The following IARS1 variants were observed in gnomAD, a reference collection of about 807,000 sequenced individuals.
IARS1 encodes the protein isoleucine--tRNA ligase, cytoplasmic.
A neutral mutation model predicts 168.2 loss-of-function variants in IARS1; 124 were observed. That is an observed-to-expected ratio of 0.74 (90% confidence interval 0.64 to 0.86). The LOEUF is 0.86. Ranked by LOEUF, IARS1 falls within the 40% of genes least tolerant of loss-of-function variation. The probability of loss-of-function intolerance (pLI) is 0.00; values close to 1 mark genes in which losing one functional copy is unlikely to be tolerated. For synonymous variants in IARS1, 532 were observed against 529.4 expected, an observed-to-expected ratio of 1.00 and a Z score of -0.07; for missense variants, 1,452 against 1,515.8, an observed-to-expected ratio of 0.96 and a Z score of 0.70.
chr9:92,212,477 A>C (rs957995323), intron 33 of IARS1, among the ~76,000 whole-genome samples: 1 of 152,220 alleles, frequency 6.6e-6, no homozygotes, highest in Non-Finnish European at 1.5e-5. Flanking sequence ...GGTTCTGTGA[A>C]TTGCAGGTAG....
chr9:92,293,166 A>G (rs1356252614), intron 1 of IARS1, among the ~76,000 whole-genome samples: 1 of 152,244 alleles, frequency 6.6e-6, no homozygotes, highest in African/African-American at 2.4e-5. Flanking sequence ...CTATTAACAT[A>G]GACTCCACAG....
chr9:92,286,941 T>C (rs1835556385), intron 4 of IARS1, among the ~76,000 whole-genome samples: 1 of 152,160 alleles, frequency 6.6e-6, no homozygotes, highest in African/African-American at 2.4e-5. Context: ...AATAAGTGAA[T>C]GTATGACAAA....
chr9:92,280,646 A>G, intron 7 of IARS1, 100 bp downstream of exon 7: 1 of 676,952 alleles, frequency 1.5e-6, no homozygotes, highest in East Asian at 2.9e-5. Context: ...TTTTCAAATA[A>G]TTCTATTCTT....
intron 30 of IARS1, among the ~76,000 whole-genome samples, chr9:92,235,115 G>A (rs1285681211): frequency 6.6e-6 from 1 of 152,186 alleles, no homozygotes; most frequent in Non-Finnish European, 1.5e-5. Context: ...TTACAGGCGT[G>A]AGCCACCAAG....
chr9:92,212,656 A>C (rs1412691199), intron 33 of IARS1, among the ~76,000 whole-genome samples: 2 of 152,242 alleles, frequency 1.3e-5, no homozygotes, highest in Non-Finnish European at 2.9e-5. Flanking sequence ...GTTAAGAATT[A>C]TCTCTAAAGT....
chr9:92,287,873 G>A lies in IARS1; in HGVS notation c.314C>T (p.Pro105Leu). Reference protein sequence around the residue: ...EIDKTLGIRGPEDVAKMGITE... With the variant: ...EIDKTLGIRGLEDVAKMGITE... The stretch of plus-strand genomic sequence containing the variant: ...AATCCCCATTTTGGCCACATCCTCT[G>A]GTCCTCTGATTCCCAGTGTCTTATC... Residue 105 changes from proline to leucine, a missense_variant, in exon 4 of 34, where the codon CCA (proline) becomes CTA (leucine). Pro to Leu is a moderately conservative substitution (Grantham distance 98). Coordinates refer to ENST00000443024, the MANE Select transcript of IARS1 (RefSeq NM_002161.6). 1 of 1,613,686 alleles carries A rather than the reference G, an allele frequency of 6.2e-7. No individual in the cohort carries two copies. The highest frequency in any genetic ancestry group is 8.5e-7 in the Non-Finnish European group (1 of 1,179,810).
At chr9:92,288,029 G>A (rs1217339089) in intron 3 of IARS1, 97 bp downstream of exon 3, 2 of 1,506,768 alleles carry the variant, frequency 1.3e-6, no homozygotes, top group Admixed American at 1.9e-5. Flanking sequence ...TAGAAGGTCT[G>A]ACAGTCAACG....
chr9:92,224,664 C>G (rs1587711411), intron 31 of IARS1, among the ~76,000 whole-genome samples: 2 of 152,020 alleles, frequency 1.3e-5, no homozygotes, highest in East Asian at 3.9e-4. Context: ...AAGACCTCCT[C>G]TCTACAAAAA....
At chr9:92,271,130 C>A (rs1199374072) in intron 11 of IARS1, 54 bp from the exon 12 acceptor site, 4 of 1,017,222 alleles carry the variant, frequency 3.9e-6, no homozygotes, top group African/African-American at 1.6e-5. Context: ...TACTTAGGAA[C>A]AATATATTAC....
intron 33 of IARS1, among the ~76,000 whole-genome samples, chr9:92,220,177 C>A (rs1400053948): frequency 2.1e-5 from 3 of 146,102 alleles, no homozygotes; most frequent in Admixed American, 6.9e-5. Flanking sequence ...AACAAAAAAC[C>A]AAACACTGCA....
intron 30 of IARS1, among the ~76,000 whole-genome samples, chr9:92,232,156 A>G (rs1413281978): frequency 7.3e-6 from 1 of 137,902 alleles, no homozygotes; most frequent in Admixed American, 6.8e-5. Flanking sequence ...TAACAGAGAA[A>G]TAACTTAATG....
chr9:92,246,051 C>T (rs1051360550), intron 26 of IARS1, among the ~76,000 whole-genome samples: 1 of 152,118 alleles, frequency 6.6e-6, no homozygotes. Context: ...GCTGGGATTA[C>T]AGGCATGAGT....
intron 19 of IARS1, among the ~76,000 whole-genome samples, chr9:92,258,491 G>A (rs1050785114): frequency 6.6e-6 from 1 of 152,206 alleles, no homozygotes; most frequent in African/African-American, 2.4e-5. Context: ...AGCTACTGGG[G>A]AGGCTGAGGC....
At chr9:92,288,086 A>C in intron 3 of IARS1, 40 bp downstream of exon 3, 1 of 1,587,594 alleles carries the variant, frequency 6.3e-7, no homozygotes, top group Non-Finnish European at 8.6e-7. Context: ...ATGCTTATAA[A>C]AAAAATCAGA....
At chr9:92,244,102 T>C (rs1206557973) in intron 27 of IARS1, among the ~76,000 whole-genome samples, 1 of 151,948 alleles carries the variant, frequency 6.6e-6, no homozygotes, top group Non-Finnish European at 1.5e-5. Flanking sequence ...CACTACAACA[T>C]GTAAGCCATG....
At chr9:92,243,375 G>C in intron 27 of IARS1, 64 bp from the exon 28 acceptor site, 1 of 1,114,810 alleles carries the variant, frequency 9.0e-7, no homozygotes, top group Admixed American at 1.8e-5. Context: ...TCCCAACTCA[G>C]CAAAATGTTA....
chr9:92,270,934 T>C (rs1832937062), intron 12 of IARS1, 51 bp downstream of exon 12: 2 of 1,269,222 alleles, frequency 1.6e-6, no homozygotes, highest in South Asian at 2.7e-5. Flanking sequence ...ATAGTAAGTG[T>C]AAGCACAGAC....
intron 33 of IARS1, among the ~76,000 whole-genome samples, chr9:92,214,471 T>G (rs932604842): frequency 6.6e-6 from 1 of 152,142 alleles, no homozygotes; most frequent in African/African-American, 2.4e-5. Flanking sequence ...GGGTGAGCGA[T>G]GCAGAAGACA....
At chr9:92,276,775 A>G (rs1481824149) in intron 9 of IARS1, among the ~76,000 whole-genome samples, 2 of 152,240 alleles carry the variant, frequency 1.3e-5, no homozygotes, top group Admixed American at 1.3e-4. Flanking sequence ...AGACCTTTAA[A>G]TAAGGACGGA....
Sources: allele counts gnomAD v4.1 joint callset (sites outside exome capture counted in the v4.1 genomes callset), GRCh38; gene constraint gnomAD v4.1.1; transcripts MANE v1.5; gene names NCBI Gene and HGNC (gene_info 2026-07-23, HGNC 2026-07-21).